UACA: variants seen among roughly 807,000 people sequenced by gnomAD.
UACA encodes the protein uveal autoantigen with coiled-coil domains and ankyrin repeats, also known as nuclear membrane binding protein.
UACA carries 112 observed loss-of-function variants against 160.5 expected under a neutral mutation model. The observed-to-expected ratio is 0.70, with a 90% CI of 0.60 to 0.82. The LOEUF is 0.82. UACA is among the 40% of genes least tolerant of loss of function. The pLI, the probability that UACA is intolerant of heterozygous loss-of-function variation, is 0.00. For synonymous variants in UACA, 557 were observed against 568.4 expected, an observed-to-expected ratio of 0.98 and a Z score of 0.29; for missense variants, 1,574 against 1,614.6, an observed-to-expected ratio of 0.97 and a Z score of 0.43.
At chr15:70,682,604 C>A (rs1183885294) in intron 9 of UACA, among the ~76,000 whole-genome samples, 154 bp downstream of exon 9, 1 of 151,220 alleles carries the variant, frequency 6.6e-6, no homozygotes, top group African/African-American at 2.4e-5. Context: ...ACCTCATGAT[C>A]TAAGTATCCA....
At chr15:70,705,119 A>G (rs552982238) in intron 1 of UACA, among the ~76,000 whole-genome samples, 14 of 152,286 alleles carry the variant, frequency 9.2e-5, no homozygotes, top group Admixed American at 3.3e-4. Context: ...TTGCCTATCT[A>G]TTAAGTTAGG....
chr15:70,668,398 A>G lies in UACA; in HGVS notation c.2286T>C (p.Asp762=). The G allele has an allele frequency of 6.2e-7, 1 of 1,609,908 alleles. No individual in the cohort carries two copies. The highest frequency in any genetic ancestry group is 8.5e-7 in the Non-Finnish European group (1 of 1,179,212). Reference sequence around the variant, plus strand: ...CATCTAAAAGCTTTCTATTAAGATCATCAATAATTGCATCATGTGACTTTT... The same window carrying G: ...CATCTAAAAGCTTTCTATTAAGATCGTCAATAATTGCATCATGTGACTTTT... ...DMKKSHDAII[D]DLNRKLLDVT... is the part of the protein sequence containing the mutation. Residue 762 remains aspartate (D), a synonymous_variant, in exon 16 of 19, where the codon GAT becomes GAC. Transcript: ENST00000322954.
At chr15:70,765,144 C>T (rs2141023648), upstream of UACA, among the ~76,000 whole-genome samples, 1 of 152,346 alleles carries the variant, frequency 6.6e-6, no homozygotes, top group South Asian at 2.1e-4. Context: ...ATTCTCCAAA[C>T]ATGGGTCATG....
intron 1 of UACA, among the ~76,000 whole-genome samples, chr15:70,708,005 AG>A (rs1271986018): frequency 2.0e-5 from 3 of 152,222 alleles, no homozygotes; most frequent in African/African-American, 7.2e-5. Flanking sequence ...ATAATAGCCA[AG>A]AAGTGGAAAT....
intron 1 of UACA, among the ~76,000 whole-genome samples, chr15:70,721,156 G>A (rs1898979546): frequency 6.6e-6 from 1 of 152,182 alleles, no homozygotes. Context: ...GTATAATTCT[G>A]GTAGTTGAAT....
intron 13 of UACA, among the ~76,000 whole-genome samples, chr15:70,675,637 C>A (rs2140919410): frequency 6.6e-6 from 1 of 152,298 alleles, no homozygotes; most frequent in South Asian, 2.1e-4. Flanking sequence ...CTCTTTGTGT[C>A]TGACTTATCT....
intron 5 of UACA, among the ~76,000 whole-genome samples, chr15:70,689,803 A>G (rs1262021205): frequency 6.6e-6 from 1 of 152,264 alleles, no homozygotes; most frequent in South Asian, 2.1e-4. Flanking sequence ...CTAAAGAATA[A>G]TGCAAATAAA....
intron 18 of UACA, among the ~76,000 whole-genome samples, chr15:70,659,568 T>C (rs1419637321): frequency 6.6e-6 from 1 of 151,940 alleles, no homozygotes; most frequent in African/African-American, 2.4e-5. Context: ...TCACGGGGTT[T>C]CTACAGGAAA....
chr15:70,680,608 G>A (rs1263347717), intron 9 of UACA, among the ~76,000 whole-genome samples: 1 of 152,128 alleles, frequency 6.6e-6, no homozygotes, highest in East Asian at 1.9e-4. Context: ...TGTTCTTCAA[G>A]TGGAATCTGA....
chr15:70,763,721 G>A (rs531798356), upstream of UACA: 2 of 315,084 alleles, frequency 6.3e-6, no homozygotes, highest in African/African-American at 2.2e-5. Context: ...GGGAACTTTA[G>A]CCCGGGAAGG....
At chr15:70,715,772 ATGTT>A (rs1327591153) in intron 1 of UACA, among the ~76,000 whole-genome samples, 2 of 152,162 alleles carry the variant, frequency 1.3e-5, no homozygotes, top group South Asian at 2.1e-4. Flanking sequence ...ATGAGAAAGA[ATGTT>A]TGTTCTCATA....
intron 1 of UACA, among the ~76,000 whole-genome samples, chr15:70,722,396 T>C (rs112906831): frequency 6.6e-4 from 100 of 152,178 alleles, no homozygotes; most frequent in African/African-American, 2.3e-3. Context: ...TAGCTCATCA[T>C]GGCCTCGATC....
chr15:70,679,174 G>A (rs945674214), intron 10 of UACA, among the ~76,000 whole-genome samples: 5 of 151,934 alleles, frequency 3.3e-5, no homozygotes, highest in Admixed American at 2.6e-4. Flanking sequence ...AGGCTGAGGC[G>A]GGTGGATCAC....
intron 1 of UACA, among the ~76,000 whole-genome samples, chr15:70,705,339 A>G (rs1898494155): frequency 1.3e-5 from 2 of 151,972 alleles, no homozygotes; most frequent in African/African-American, 4.8e-5. Context: ...GACCAGCCTG[A>G]CCAATGGGGT....
chr15:70,680,928 T>C (rs1003273680), intron 9 of UACA, among the ~76,000 whole-genome samples: 4 of 152,202 alleles, frequency 2.6e-5, no homozygotes, highest in African/African-American at 9.7e-5. Context: ...TCCTTCTTAA[T>C]CTAGCCCTTT....
At chr15:70,752,891 T>A (rs2062635515) in intron 1 of UACA, among the ~76,000 whole-genome samples, 2 of 152,154 alleles carry the variant, frequency 1.3e-5, no homozygotes, top group Admixed American at 6.5e-5. Context: ...AGTATTAATA[T>A]CTAACAATGT....
At position 70,668,337 on chromosome 15, in the gene UACA, C is replaced by A; in HGVS notation, c.2347G>T (p.Glu783Ter). 1 of 1,610,122 alleles carries A rather than the reference C, an allele frequency of 6.2e-7. No homozygotes were observed. Residue 783 changes from glutamate (E) to a stop codon, truncating the protein, a stop_gained, in exon 16 of 19, where the codon GAG becomes TAG. Coordinates refer to ENST00000322954, the MANE Select transcript of UACA (RefSeq NM_018003.4). LOFTEE classifies it high-confidence loss of function. ...CTGTCATTTTCCAGTAGCAATTTCT[C>A]CATTTCCAACTTCTTTTCTGTATAT... is the stretch of plus-strand genomic sequence containing the variant. ...QKYTEKKLEM[E>*]KLLLENDSLS...
At chr15:70,747,241 GTTTTTTTTTTTT>G (rs549683234) in intron 1 of UACA, among the ~76,000 whole-genome samples, 3 of 119,252 alleles carry the variant, frequency 2.5e-5, no homozygotes, top group Non-Finnish European at 5.2e-5. Flanking sequence ...TGTTTTTTGG[GTTTTTTTTTTTT>G]TTTTTTTTTT....
intron 1 of UACA, among the ~76,000 whole-genome samples, chr15:70,754,466 A>AGAAGGTTAGGCTAAGCTATGATGTTGT (rs2030294881): frequency 6.6e-6 from 1 of 152,170 alleles, no homozygotes; most frequent in African/African-American, 2.4e-5. Flanking sequence ...GCATGTTTAA[A>AGAAGGTTAGGCTAAGCTATGATGTTGT]GAAGGTTAGG....
Sources: gnomAD v4.1 joint callset for allele counts (sites outside exome capture counted in the v4.1 genomes callset) on GRCh38, gnomAD v4.1.1 for gene constraint, MANE v1.5 for transcripts, NCBI Gene and HGNC (gene_info 2026-07-23, HGNC 2026-07-21) for gene names.